Variants in LMBR1 observed in about 807,000 individuals in gnomAD.
The protein encoded by LMBR1 is limb development membrane protein 1.
A neutral mutation model predicts 73.9 loss-of-function variants in LMBR1; 52 were observed. The observed-to-expected ratio is 0.70, with a 90% CI of 0.56 to 0.89. The LOEUF is 0.89. LMBR1 is among the 40% of genes least tolerant of loss of function. The probability of loss-of-function intolerance (pLI) is 0.00; values close to 1 mark genes in which losing one functional copy is unlikely to be tolerated. For synonymous variants in LMBR1, 215 were observed against 209.4 expected (o/e 1.03, Z -0.23); for missense variants, 539 against 579.8 (o/e 0.93, Z 0.72).
intron 15 of LMBR1, among the ~76,000 whole-genome samples, chr7:156,714,031 G>C (rs1812666787): frequency 1.3e-5 from 2 of 152,120 alleles, no homozygotes; most frequent in Admixed American, 6.5e-5. Flanking sequence ...GGTATTGATA[G>C]CCTTCCTAGG....
chr7:156,878,410 A>G (rs1472963866), intron 1 of LMBR1, among the ~76,000 whole-genome samples: 1 of 152,212 alleles, frequency 6.6e-6, no homozygotes, highest in Non-Finnish European at 1.5e-5. Context: ...ATCAACAGTG[A>G]CCAAGCTGAG....
At chr7:156,763,226 T>C (rs1354002831) in intron 6 of LMBR1, 50 bp from the exon 7 acceptor site, 3 of 750,560 alleles carry the variant, frequency 4.0e-6, no homozygotes, top group Admixed American at 3.1e-5. Context: ...TACTGCACAT[T>C]AAGATAGTCA....
At chr7:156,709,426 C>T (rs143377802) in intron 15 of LMBR1, among the ~76,000 whole-genome samples, 38 of 152,346 alleles carry the variant, frequency 2.5e-4, no homozygotes, top group African/African-American at 7.9e-4. Context: ...CTAAACATAC[C>T]TACAACCAGG....
rs1048867341 is a variant in LMBR1 at position 156,679,162 on chromosome 7, T to C, written c.*4916A>G. On this transcript the variant is annotated 3_prime_UTR_variant, in exon 17 of 17. Transcript: ENST00000353442. Reference sequence around the variant, plus strand: ...CTTTCTCAGTGGCGTTCCTTGTCGGTAAAATGCAGATGTGTATTTTCGGCT... The same window carrying C: ...CTTTCTCAGTGGCGTTCCTTGTCGGCAAAATGCAGATGTGTATTTTCGGCT... 1 of 152,232 alleles carries C rather than the reference T, an allele frequency of 6.6e-6. No individual in the cohort carries two copies. Among genetic ancestry groups the C allele is most frequent in the African/African-American group, 2.4e-5 (1 of 41,438 alleles). 9.4% of individuals were successfully genotyped at this position (152,232 alleles called of 1,614,324 possible). A position where few individuals can be genotyped will look rare whatever the true frequency, so the allele number is the denominator to read the frequency against.
intron 9 of LMBR1, among the ~76,000 whole-genome samples, chr7:156,755,495 C>T (rs1821697709): frequency 6.6e-6 from 1 of 152,220 alleles, no homozygotes; most frequent in African/African-American, 2.4e-5. Context: ...CAGGGAGCAG[C>T]TTGACACATA....
chr7:156,892,658 A>G (rs1422706914), intron 1 of LMBR1: 5 of 254,950 alleles, frequency 2.0e-5, no homozygotes, highest in African/African-American at 9.5e-5. Context: ...CGGGGCTCGA[A>G]CGGAGGGAGC....
At chr7:156,707,789 C>T (rs1811269947) in intron 15 of LMBR1, among the ~76,000 whole-genome samples, 1 of 152,060 alleles carries the variant, frequency 6.6e-6, no homozygotes, top group South Asian at 2.1e-4. Context: ...ACAAGGATGT[C>T]AATTTTCACC....
chr7:156,787,875 C>G (rs942889350), intron 5 of LMBR1, among the ~76,000 whole-genome samples: 3 of 152,228 alleles, frequency 2.0e-5, no homozygotes, highest in African/African-American at 7.2e-5. Flanking sequence ...CTCCCAGGTT[C>G]GAGCGATTCT....
intron 9 of LMBR1, among the ~76,000 whole-genome samples, chr7:156,737,773 G>A (rs985742570): frequency 2.6e-5 from 4 of 151,948 alleles, no homozygotes; most frequent in Non-Finnish European, 5.9e-5. Context: ...GGATATTGAC[G>A]GATTTGTTTT....
rs901092716 is a variant in LMBR1 at position 156,797,324 on chromosome 7, A to G, written c.320-832T>C. 1.1e-4 allele frequency among the ~76,000 whole-genome samples: 17 copies of G among 152,308 alleles called. No homozygotes were observed. The East Asian group carries it at 3.3e-3, about 29-fold the overall frequency. On this transcript the variant is annotated intron_variant, in intron 4 of 16. Coordinates refer to ENST00000353442, the MANE Select transcript of LMBR1 (RefSeq NM_022458.4). ...ATGTCAGATCATATTTTTTACAGGT[A>G]AAAAAATAAAATTTAAAACTGAGTT... is the stretch of plus-strand genomic sequence containing the variant.
chr7:156,761,311 G>T (rs1205095078), intron 8 of LMBR1, among the ~76,000 whole-genome samples: 3 of 152,078 alleles, frequency 2.0e-5, no homozygotes, highest in African/African-American at 7.2e-5. Context: ...TTAAATATCT[G>T]ACAAAATAGA....
rs372380233 is a variant in LMBR1 at position 156,812,119 on chromosome 7, G to A, written c.319+14486C>T. On this transcript the variant is annotated intron_variant, in intron 4 of 16. Transcript: ENST00000353442. ...TACAAAGACTGTTATTTCCAAATAA[G>A]TTCACATCCTGATGTTCTGAGTGAA... 3.5e-4 allele frequency among the ~76,000 whole-genome samples: 54 copies of A among 152,252 alleles called. No individual in the cohort carries two copies. In the East Asian group the frequency reaches 7.9e-3, roughly 22 times the overall value.
chr7:156,714,573 G>A (rs57174695), intron 15 of LMBR1, among the ~76,000 whole-genome samples: 1 of 152,214 alleles, frequency 6.6e-6, no homozygotes, highest in South Asian at 2.1e-4. Context: ...TAAGGAAACT[G>A]TACAGTATTT....
In LMBR1 at chr7:156,833,752, C is replaced by G. The variant is rs747392488; in HGVS notation, c.179+1G>C. On this transcript the variant is annotated splice_donor_variant, in intron 3 of 16. Coordinates refer to ENST00000353442, the MANE Select transcript of LMBR1 (RefSeq NM_022458.4). LOFTEE classifies it high-confidence loss of function. ...GAACAACTGAACTTTAAAATACATA[C>G]GAAATCCTGTTGACGATGGCATCTT... 6.3e-7 allele frequency: 1 copy of G among 1,596,732 alleles called. No homozygotes were observed. The highest frequency in any genetic ancestry group is 1.1e-5 in the South Asian group (1 of 87,584).
intron 1 of LMBR1, among the ~76,000 whole-genome samples, chr7:156,881,439 G>C (rs371984055): frequency 6.6e-6 from 1 of 152,264 alleles, no homozygotes; most frequent in South Asian, 2.1e-4. Context: ...ATGATTTCAC[G>C]GATATAACAT....
At chr7:156,736,583 C>G in intron 9 of LMBR1, 1 of 457,054 alleles carries the variant, frequency 2.2e-6, no homozygotes, top group Non-Finnish European at 4.4e-6. Flanking sequence ...CTTCCTGTTG[C>G]AACTTCTGGA....
At chr7:156,878,022 T>G (rs1010896158) in intron 1 of LMBR1, among the ~76,000 whole-genome samples, 11 of 152,172 alleles carry the variant, frequency 7.2e-5, no homozygotes, top group East Asian at 3.8e-4. Context: ...ATTAAAACCC[T>G]TAGCAAAATC....
chr7:156,807,285 A>C (rs1429639541), intron 4 of LMBR1, among the ~76,000 whole-genome samples: 1 of 152,206 alleles, frequency 6.6e-6, no homozygotes. Flanking sequence ...TTCTAGAAGA[A>C]TCTGTGCAGA....
At chr7:156,779,512 G>A (rs1826738760) in intron 5 of LMBR1, 1 of 239,288 alleles carries the variant, frequency 4.2e-6, no homozygotes, top group Non-Finnish European at 8.7e-6. Context: ...TAGACACACA[G>A]ATTTCTTTTA....
Sources: gnomAD v4.1 joint callset for allele counts (sites outside exome capture counted in the v4.1 genomes callset) on GRCh38, gnomAD v4.1.1 for gene constraint, MANE v1.5 for transcripts, NCBI Gene and HGNC (gene_info 2026-07-23, HGNC 2026-07-21) for gene names.